Variants in ABTB2 observed in about 807,000 individuals in gnomAD.
ABTB2 encodes the protein ankyrin repeat and BTB domain containing 2.
Under a neutral mutation model 104.1 loss-of-function variants are expected in ABTB2, and 56 were observed. The ratio of observed to expected loss-of-function variants is 0.54; its 90% CI spans 0.43 to 0.67. The LOEUF is 0.67. Ranked by LOEUF, ABTB2 falls within the 30% of genes least tolerant of loss-of-function variation. The pLI is 0.00. For missense variants in ABTB2, 1,279 were observed against 1,407.7 expected, an observed-to-expected ratio of 0.91 and a Z score of 1.46; for synonymous variants, 606 against 608.2, an observed-to-expected ratio of 1.00 and a Z score of 0.05.
intron 1 of ABTB2, among the ~76,000 whole-genome samples, chr11:34,284,100 C>T (rs990954353): frequency 2.2e-4 from 33 of 152,204 alleles, no homozygotes; most frequent in African/African-American, 4.8e-4. Flanking sequence ...GCATTTCTAA[C>T]GAGCCCCCAG....
At chr11:34,160,664 C>T (rs1344810393) in intron 11 of ABTB2, among the ~76,000 whole-genome samples, 2 of 74,156 alleles carry the variant, frequency 2.7e-5, no homozygotes, top group Admixed American at 2.1e-4. Flanking sequence ...CGTGCACGCG[C>T]GCGCGTGTGT....
rs376668947 is a variant in ABTB2 at position 34,159,374 on chromosome 11, T to C, written c.2619A>G (p.Leu873=). The change falls in exon 14 of 17, where the codon CTA becomes CTG. Residue 873 remains leucine (L), a synonymous_variant. Coordinates refer to ENST00000435224, the MANE Select transcript of ABTB2 (RefSeq NM_145804.3). The part of the protein sequence containing the change: ...LVTASNRFKT[L]MTNKSEQDGD... ...CATCCTGTTCTGATTTATTGGTCAT[T>C]AGTGTCTTGAACCTGGAGCAAAGGA... 2.5e-6 allele frequency: 4 copies of C among 1,613,514 alleles called. No homozygotes were observed. The highest frequency in any genetic ancestry group is 2.5e-6 in the Non-Finnish European group (3 of 1,179,482).
At chr11:34,354,227 G>C (rs146828375) in intron 1 of ABTB2, among the ~76,000 whole-genome samples, 1 of 152,056 alleles carries the variant, frequency 6.6e-6, no homozygotes, top group East Asian at 1.9e-4. Context: ...CTGAGCATCC[G>C]GGGAGCTTTG....
At chr11:34,260,193 G>A (rs1854171919) in intron 1 of ABTB2, among the ~76,000 whole-genome samples, 1 of 152,152 alleles carries the variant, frequency 6.6e-6, no homozygotes, top group Admixed American at 6.6e-5. Context: ...AGTACAAAGA[G>A]GACAGAAGTG....
intron 1 of ABTB2, among the ~76,000 whole-genome samples, chr11:34,275,961 T>A (rs1041159556): frequency 5.3e-5 from 8 of 152,144 alleles, no homozygotes; most frequent in Non-Finnish European, 1.2e-4. Context: ...TGCTAGACGG[T>A]AGAGAGGCTC....
chr11:34,170,926 C>A lies in ABTB2; in HGVS notation c.1543G>T (p.Val515Phe). 2 of 1,614,120 alleles carry A rather than the reference C, an allele frequency of 1.2e-6. No individual in the cohort carries two copies. Among genetic ancestry groups the A allele is most frequent in the Non-Finnish European group, 1.7e-6 (2 of 1,180,000 alleles). The part of the protein sequence containing the change: ...QAIEALGPDG[V>F]NTMDDQGMTP... ...CGTACCTGGTCATCCATGGTGTTAACCCCATCCGGACCCAAGGCCTCGATG... is the reference window on the plus strand; with the variant it reads ...CGTACCTGGTCATCCATGGTGTTAAACCCATCCGGACCCAAGGCCTCGATG... Residue 515 changes from valine (V) to phenylalanine (F), a missense_variant, in exon 5 of 17, where the codon GTT (valine) becomes TTT (phenylalanine). Coordinates refer to ENST00000435224, the MANE Select transcript of ABTB2 (RefSeq NM_145804.3).
intron 1 of ABTB2, among the ~76,000 whole-genome samples, chr11:34,271,881 G>A (rs1246962920): frequency 6.6e-6 from 1 of 152,162 alleles, no homozygotes; most frequent in Non-Finnish European, 1.5e-5. Context: ...AGCATCCTGT[G>A]AGCCAAACCA....
chr11:34,160,166 A>G (rs1432812335), intron 12 of ABTB2, 82 bp downstream of exon 12: 3 of 1,388,760 alleles, frequency 2.2e-6, no homozygotes, highest in South Asian at 2.4e-5. Context: ...AAATGGAGAA[A>G]GATGACAAAG....
chr11:34,227,870 G>T (rs1051278470), intron 1 of ABTB2, among the ~76,000 whole-genome samples: 1 of 147,912 alleles, frequency 6.8e-6, no homozygotes, highest in African/African-American at 2.5e-5. Context: ...GAGTATCTGG[G>T]ATTACAGGCA....
intron 1 of ABTB2, among the ~76,000 whole-genome samples, chr11:34,279,288 G>T (rs151160969): frequency 0.016 from 2,490 of 152,292 alleles, 36 homozygotes; most frequent in Non-Finnish European, 0.023. Flanking sequence ...TTTAAATAGA[G>T]ATGGGGTCTT....
chr11:34,222,481 C>G (rs941229535), intron 1 of ABTB2, among the ~76,000 whole-genome samples: 4 of 152,142 alleles, frequency 2.6e-5, no homozygotes, highest in Non-Finnish European at 5.9e-5. Context: ...TCACAGAGCC[C>G]TAAGCATCCG....
chr11:34,203,069 G>A (rs1306435709), intron 2 of ABTB2, among the ~76,000 whole-genome samples: 1 of 152,146 alleles, frequency 6.6e-6, no homozygotes. Flanking sequence ...AGGCCACCAT[G>A]AGAAGAGGCA....
intron 1 of ABTB2, among the ~76,000 whole-genome samples, chr11:34,297,674 A>C (rs1854637275): frequency 6.6e-6 from 1 of 151,186 alleles, no homozygotes; most frequent in Admixed American, 6.6e-5. Context: ...GCTGAGGCAG[A>C]AGAATTGCTT....
rs533385362 is a variant in ABTB2 at position 34,207,280 on chromosome 11, A to G, written c.884-2590T>C. Among the ~76,000 whole-genome samples the G allele has an allele frequency of 4.6e-5, 7 of 152,370 alleles. No individual in the cohort carries two copies. In the South Asian group the frequency reaches 1.4e-3, roughly 32 times the overall value. On this transcript the variant is annotated intron_variant, in intron 1 of 16. Coordinates refer to ENST00000435224, the MANE Select transcript of ABTB2 (RefSeq NM_145804.3). ...ACAGAGCTTAGGGTAAGGGAATAGG[A>G]AATTCAGCTGATTTGTCAAAGGATT...
chr11:34,241,436 G>A lies in ABTB2; in HGVS notation c.884-36746C>T, dbSNP rs57254859. ...CAGCCAGAGGACATCTCTGTTGCCT[G>A]AGTACCACAAATGGGGTGAGGAAAC... is the stretch of plus-strand genomic sequence containing the variant. On this transcript the variant is annotated intron_variant, in intron 1 of 16. Transcript: ENST00000435224. Among the ~76,000 whole-genome samples the A allele has an allele frequency of 2.8e-3, 421 of 152,274 alleles. 2 individuals are homozygous for A. Among genetic ancestry groups the A allele is most frequent in the African/African-American group, 9.9e-3 (412 of 41,550 alleles).
Position 34,197,550 on chromosome 11 carries a change from C to A in ABTB2, c.1031-12G>T. ...GGAGACCAAGTCACCTGGTGGGGGG[C>A]GGGGAGGGCAGAGGGGAGGAAGAGA... On this transcript the variant is annotated splice_polypyrimidine_tract_variant and intron_variant, in intron 2 of 16. Transcript: ENST00000435224. 6.9e-7 allele frequency: 1 copy of A among 1,450,760 alleles called. No individual in the cohort carries two copies. Among genetic ancestry groups the A allele is most frequent in the South Asian group, 1.2e-5 (1 of 83,030 alleles). The allele number at this position is 1,450,760 out of a possible 1,614,324, so 89.9% of individuals were successfully genotyped here. A position where few individuals can be genotyped will look rare whatever the true frequency, so the allele number is the denominator to read the frequency against.
At chr11:34,328,285 C>T (rs991544403) in intron 1 of ABTB2, among the ~76,000 whole-genome samples, 7 of 152,274 alleles carry the variant, frequency 4.6e-5, no homozygotes, top group South Asian at 2.1e-4. Context: ...CAAGGGAGTA[C>T]TTGCTTTTTT....
At chr11:34,155,737 C>T (rs1852616481) in intron 14 of ABTB2, among the ~76,000 whole-genome samples, 1 of 152,206 alleles carries the variant, frequency 6.6e-6, no homozygotes, top group South Asian at 2.1e-4. Flanking sequence ...GGCCAAGGCC[C>T]ACCCTGGAGA....
intron 1 of ABTB2, among the ~76,000 whole-genome samples, chr11:34,248,051 A>G (rs1362767817): frequency 6.6e-6 from 1 of 150,578 alleles, no homozygotes; most frequent in Admixed American, 6.6e-5. Context: ...ACCCAAAGGG[A>G]ACACCAGGTA....
Sources: gnomAD v4.1 joint callset for allele counts (sites outside exome capture counted in the v4.1 genomes callset) on GRCh38, gnomAD v4.1.1 for gene constraint, MANE v1.5 for transcripts, NCBI Gene and HGNC (gene_info 2026-07-23, HGNC 2026-07-21) for gene names.